The following SNX29 variants were observed in gnomAD, a reference collection of about 807,000 sequenced individuals.
The protein encoded by SNX29 is sorting nexin 29.
A neutral mutation model predicts 102.1 loss-of-function variants in SNX29; 78 were observed. That is an observed-to-expected ratio of 0.76 (90% CI 0.64 to 0.92). The LOEUF is 0.92. SNX29 is among the 40% of genes least tolerant of loss of function. SNX29 has a pLI of 0.00. For missense variants in SNX29, 1,280 were observed against 1,061.7 expected, an observed-to-expected ratio of 1.21 and a Z score of -2.86; for synonymous variants, 580 against 414.5, an observed-to-expected ratio of 1.40 and a Z score of -4.85.
At chr16:12,049,004 G>A (rs1236309088) in intron 7 of SNX29, among the ~76,000 whole-genome samples, 1 of 152,198 alleles carries the variant, frequency 6.6e-6, no homozygotes, top group Non-Finnish European at 1.5e-5. Flanking sequence ...GTCTCCTTTG[G>A]GATGGGTGTG....
chr16:12,168,511 C>G (rs146807452), intron 13 of SNX29, among the ~76,000 whole-genome samples: 7 of 152,210 alleles, frequency 4.6e-5, no homozygotes, highest in Non-Finnish European at 1.0e-4. Context: ...GTCCCCACCT[C>G]GTTACATACC....
intron 15 of SNX29, among the ~76,000 whole-genome samples, chr16:12,335,832 C>T (rs956783911): frequency 6.6e-6 from 1 of 152,128 alleles, no homozygotes; most frequent in Admixed American, 6.5e-5. Context: ...GTTATCCTTC[C>T]CGTTTACTAA....
chr16:12,481,064 C>G (rs769979855), intron 19 of SNX29, among the ~76,000 whole-genome samples: 1 of 152,196 alleles, frequency 6.6e-6, no homozygotes, highest in Non-Finnish European at 1.5e-5. Context: ...TTCCTCACAG[C>G]AGCAAACCTT....
In SNX29 at chr16:12,002,988, C is replaced by T. The variant is rs550909997; in HGVS notation, c.70-3C>T. ...GATCTCAGCAGCTTCTTTTTCTGTG[C>T]AGTGCCAGATCCGCTTTGGAGGGAG... On this transcript the variant is annotated splice_polypyrimidine_tract_variant and splice_region_variant and intron_variant, in intron 2 of 20. Transcript: ENST00000566228. 1 of 1,614,196 alleles carries T rather than the reference C, an allele frequency of 6.2e-7. No individual in the cohort carries two copies. Among genetic ancestry groups the T allele is most frequent in the East Asian group, 2.2e-5 (1 of 44,880 alleles).
intron 15 of SNX29, among the ~76,000 whole-genome samples, chr16:12,300,748 A>G (rs780103577): frequency 2.6e-5 from 4 of 152,104 alleles, no homozygotes; most frequent in African/African-American, 4.8e-5. Flanking sequence ...GGGTTTCTCA[A>G]ACTCAGCCTT....
intron 13 of SNX29, among the ~76,000 whole-genome samples, chr16:12,168,429 G>T (rs2076066569): frequency 6.6e-6 from 1 of 152,188 alleles, no homozygotes; most frequent in Non-Finnish European, 1.5e-5. Context: ...TGGTTGCTCA[G>T]AGAATCGAAC....
chr16:12,360,157 C>T (rs1316968421), intron 16 of SNX29, among the ~76,000 whole-genome samples: 3 of 152,218 alleles, frequency 2.0e-5, no homozygotes, highest in African/African-American at 7.2e-5. Context: ...TTCATGATAT[C>T]ATGAAATACC....
chr16:12,065,911 G>A (rs572802151), intron 9 of SNX29, among the ~76,000 whole-genome samples: 12 of 152,182 alleles, frequency 7.9e-5, no homozygotes, highest in African/African-American at 2.9e-4. Flanking sequence ...AAATTTTCGG[G>A]ATCCATTTCC....
chr16:12,152,851 G>T (rs900924798), intron 13 of SNX29, among the ~76,000 whole-genome samples: 2 of 152,242 alleles, frequency 1.3e-5, no homozygotes, highest in African/African-American at 4.8e-5. Context: ...GTGGTTGCCA[G>T]TGAGCAAGGT....
intron 13 of SNX29, among the ~76,000 whole-genome samples, chr16:12,138,361 C>G (rs1001958790): frequency 1.6e-4 from 25 of 152,086 alleles, no homozygotes; most frequent in African/African-American, 6.0e-4. Context: ...GCATGTGCCA[C>G]CATGCCCAGC....
chr16:12,142,093 A>C (rs1350765770), intron 13 of SNX29, among the ~76,000 whole-genome samples: 1 of 152,226 alleles, frequency 6.6e-6, no homozygotes, highest in African/African-American at 2.4e-5. Flanking sequence ...CTCTTTTTCA[A>C]GACCATTTAC....
chr16:12,267,895 C>A (rs1473400441), intron 14 of SNX29, among the ~76,000 whole-genome samples: 1 of 152,160 alleles, frequency 6.6e-6, no homozygotes, highest in East Asian at 1.9e-4. Context: ...GCCTGCAAAC[C>A]CTTACTGTCC....
intron 18 of SNX29, among the ~76,000 whole-genome samples, chr16:12,434,450 G>C (rs557513751): frequency 1.3e-5 from 2 of 152,324 alleles, no homozygotes; most frequent in South Asian, 4.1e-4. Context: ...GGAGCAGGGC[G>C]AGGGAGCCGA....
chr16:12,568,304 T>TA (rs34750195), intron 20 of SNX29, among the ~76,000 whole-genome samples: 36,762 of 146,208 alleles, frequency 0.25, 4,824 homozygotes, highest in Middle Eastern at 0.29. Context: ...GGAGTGCTGT[T>TA]AAAAAAAAAA....
intron 16 of SNX29, among the ~76,000 whole-genome samples, chr16:12,388,676 C>T (rs546268444): frequency 7.2e-5 from 11 of 152,262 alleles, no homozygotes; most frequent in African/African-American, 2.6e-4. Flanking sequence ...ACTGTGTTCC[C>T]ATAAAACTTC....
chr16:12,116,145 G>A (rs746516075), intron 11 of SNX29, among the ~76,000 whole-genome samples: 1 of 152,216 alleles, frequency 6.6e-6, no homozygotes, highest in Non-Finnish European at 1.5e-5. Context: ...AAACAGTTTG[G>A]TGGATCCTTA....
chr16:12,227,564 T>A (rs1712177157), intron 14 of SNX29, among the ~76,000 whole-genome samples: 1 of 152,102 alleles, frequency 6.6e-6, no homozygotes, highest in East Asian at 1.9e-4. Context: ...TACACAAATC[T>A]ATGGGGGGAA....
chr16:12,256,147 C>T (rs1225477038), intron 14 of SNX29, among the ~76,000 whole-genome samples: 1 of 152,190 alleles, frequency 6.6e-6, no homozygotes, highest in African/African-American at 2.4e-5. Flanking sequence ...GCTGGTCATA[C>T]ACCTGTTGGC....
intron 20 of SNX29, among the ~76,000 whole-genome samples, chr16:12,540,654 C>G (rs917130819): frequency 1.3e-5 from 2 of 152,302 alleles, no homozygotes; most frequent in Middle Eastern, 3.4e-3. Flanking sequence ...TCTCAAAAGC[C>G]TGAATGTAAC....
Sources: gnomAD v4.1 joint callset for allele counts (sites outside exome capture counted in the v4.1 genomes callset) on GRCh38, gnomAD v4.1.1 for gene constraint, MANE v1.5 for transcripts, NCBI Gene and HGNC (gene_info 2026-07-23, HGNC 2026-07-21) for gene names.